UNC5A: variants seen among roughly 807,000 people sequenced by gnomAD.
UNC5A encodes the protein unc-5 netrin receptor A.
Under a neutral mutation model 87.4 loss-of-function variants are expected in UNC5A, and 20 were observed. The observed-to-expected ratio is 0.23, with a 90% CI of 0.16 to 0.33. The LOEUF (loss-of-function observed/expected upper bound fraction) is 0.33. UNC5A is among the 10% of genes least tolerant of loss of function. UNC5A has a pLI of 1.00. For synonymous variants in UNC5A, 438 were observed against 482.3 expected (o/e 0.91, Z 1.20); for missense variants, 844 against 1,133.4 (o/e 0.74, Z 3.67).
At position 176,880,847 on chromosome 5, in the gene UNC5A, T is replaced by G; in HGVS notation, c.*961T>G. The G allele has an allele frequency of 7.8e-5, 34 of 437,746 alleles. No homozygotes were observed. Among genetic ancestry groups the G allele is most frequent in the Middle Eastern group, 5.9e-4 (1 of 1,688 alleles). The allele number at this position is 437,746 out of a possible 1,614,324, so 27.1% of individuals were successfully genotyped here. ...AGCCTTGCCCGGCCGCCGGGGCACA[T>G]AGGGGTTTTATCGGGCGTGAATGTA... On this transcript the variant is annotated 3_prime_UTR_variant, in exon 15 of 15. Coordinates refer to ENST00000329542, the MANE Select transcript of UNC5A (RefSeq NM_133369.3).
chr5:176,833,063 T>C (rs989965360), intron 1 of UNC5A, among the ~76,000 whole-genome samples: 1 of 152,174 alleles, frequency 6.6e-6, no homozygotes, highest in Non-Finnish European at 1.5e-5. Context: ...AGGATGCAGG[T>C]AGCTGGCCAA....
At chr5:176,854,309 T>C (rs1757616579) in intron 1 of UNC5A, among the ~76,000 whole-genome samples, 1 of 152,114 alleles carries the variant, frequency 6.6e-6, no homozygotes, top group African/African-American at 2.4e-5. Flanking sequence ...TCTGTCTCTC[T>C]AACAGCAAGT....
At chr5:176,843,489 G>A (rs1014587291) in intron 1 of UNC5A, among the ~76,000 whole-genome samples, 1 of 152,214 alleles carries the variant, frequency 6.6e-6, no homozygotes, top group Non-Finnish European at 1.5e-5. Context: ...ACTTTAGGGG[G>A]TGAAGCTATT....
chr5:176,851,825 G>A (rs1001699056), intron 1 of UNC5A, among the ~76,000 whole-genome samples: 7 of 152,310 alleles, frequency 4.6e-5, no homozygotes, highest in East Asian at 1.9e-4. Flanking sequence ...GTCCTTACTC[G>A]GCCTTATGGT....
At chr5:176,870,603 G>T (rs10072724) in intron 6 of UNC5A, 69 bp downstream of exon 6, 1 of 1,480,398 alleles carries the variant, frequency 6.8e-7, no homozygotes, top group African/African-American at 1.4e-5. Context: ...CTGGGGAGGT[G>T]GGGGCTGAGG....
Position 176,845,952 on chromosome 5 carries a change from G to T in UNC5A, c.71-16672G>T, listed in dbSNP as rs530642405. Among the ~76,000 whole-genome samples, 1,255 of 152,354 alleles carry T rather than the reference G, an allele frequency of 8.2e-3. 12 individuals carry two copies. The highest frequency in any genetic ancestry group is 0.028 in the African/African-American group (1,172 of 41,586). On this transcript the variant is annotated intron_variant, in intron 1 of 14. Coordinates refer to ENST00000329542, the MANE Select transcript of UNC5A (RefSeq NM_133369.3). ...GAGAGCCAACAAAGGGCTGGGTGCT[G>T]CATGGTGAGTGAAAGGGACAGTGGC...
intron 1 of UNC5A, among the ~76,000 whole-genome samples, chr5:176,854,846 G>A (rs1258342729): frequency 1.3e-5 from 2 of 152,250 alleles, no homozygotes; most frequent in African/African-American, 4.8e-5. Flanking sequence ...CATAAATGGT[G>A]ACAATATGAT....
At position 176,869,007 on chromosome 5, in the gene UNC5A, T is replaced by A. The variant is rs1758044521; in HGVS notation, c.721+43T>A. Reference sequence around the variant, plus strand: ...CTGGTCACAGGGAGAGGCACTGCGGTGCCCCTGGGCAGTGACATGTGGCTG... The same window carrying A: ...CTGGTCACAGGGAGAGGCACTGCGGAGCCCCTGGGCAGTGACATGTGGCTG... On this transcript the variant is annotated intron_variant, in intron 5 of 14. Coordinates refer to ENST00000329542, the MANE Select transcript of UNC5A (RefSeq NM_133369.3). The surrounding 1 kb of genome is among the most constrained non-coding windows in gnomAD (Gnocchi z 9.1). The A allele has an allele frequency of 6.4e-7, 1 of 1,553,712 alleles. No individual in the cohort carries two copies. The highest frequency in any genetic ancestry group is 2.3e-5 in the East Asian group (1 of 44,154).
In UNC5A at chr5:176,877,721, C is replaced by G; in HGVS notation, c.1635+18C>G. 6.3e-7 allele frequency: 1 copy of G among 1,578,374 alleles called. No homozygotes were observed. ...GCTGGGAGGTGAGCAGGGAACTGACCCGGGCTCCAGAAGGGAACGTGGGCT... is the reference window on the plus strand; with the variant it reads ...GCTGGGAGGTGAGCAGGGAACTGACGCGGGCTCCAGAAGGGAACGTGGGCT... On this transcript the variant is annotated intron_variant, in intron 10 of 14. Coordinates refer to ENST00000329542, the MANE Select transcript of UNC5A (RefSeq NM_133369.3).
chr5:176,830,582 G>GCA (rs1561644030), intron 1 of UNC5A, among the ~76,000 whole-genome samples: 2 of 142,862 alleles, frequency 1.4e-5, no homozygotes, highest in South Asian at 2.3e-4. Context: ...GTGTGTGTGC[G>GCA]CGTGCTGGTG....
chr5:176,847,483 T>C (rs1032243632), intron 1 of UNC5A, among the ~76,000 whole-genome samples: 1 of 152,080 alleles, frequency 6.6e-6, no homozygotes, highest in African/African-American at 2.4e-5. Context: ...CTCATTAATA[T>C]ACTTAAAGTT....
chr5:176,829,559 AAGAT>A (rs1756949776), intron 1 of UNC5A, among the ~76,000 whole-genome samples: 1 of 134,172 alleles, frequency 7.5e-6, no homozygotes, highest in Non-Finnish European at 1.6e-5. Context: ...GGACGTATGA[AAGAT>A]GGATGGATGG....
In UNC5A at chr5:176,879,439, A is replaced by G; in HGVS notation, c.2314A>G (p.Arg772Gly). ...KIISSLDPPC[R>G]RGADWRTLAQ... ...AATTTCCAGCCTGGACCCACCCTGT[A>G]GGCGGGGTGCCGACTGGCGGACTCT... The change falls in exon 14 of 15, where the codon AGG becomes GGG. Residue 772 changes from arginine to glycine, a missense_variant. Arg to Gly is a moderately radical substitution (Grantham distance 125). Coordinates refer to ENST00000329542, the MANE Select transcript of UNC5A (RefSeq NM_133369.3). The G allele has an allele frequency of 6.2e-7, 1 of 1,612,272 alleles. No individual in the cohort carries two copies. The highest frequency in any genetic ancestry group is 1.1e-5 in the South Asian group (1 of 91,064).
chr5:176,862,765 C>G lies in UNC5A; in HGVS notation c.212C>G (p.Thr71Arg). ...CTTGTGTGCAAGGCCGTGCCCGCCA[C>G]GCAGATCTTCTTCAAGTGCAACGGG... ...VLLVCKAVPATQIFFKCNGEW... is the reference protein window; with the variant it reads ...VLLVCKAVPARQIFFKCNGEW... Residue 71 changes from threonine to arginine, a missense_variant, in exon 2 of 15, where the codon ACG (threonine) becomes AGG (arginine). Physicochemically the swap from Thr to Arg is moderately conservative, Grantham distance 71. This residue lies in a region of UNC5A where 314 missense variants were observed against 466.5 expected (regional missense o/e 0.67). Coordinates refer to ENST00000329542, the MANE Select transcript of UNC5A (RefSeq NM_133369.3). The G allele has an allele frequency of 6.2e-7, 1 of 1,613,608 alleles. No homozygotes were observed. Among genetic ancestry groups the G allele is most frequent in the Non-Finnish European group, 8.5e-7 (1 of 1,179,952 alleles).
Position 176,878,495 on chromosome 5 carries a change from C to T in UNC5A, c.2040C>T (p.Ile680=), listed in dbSNP as rs757435992. Residue 680 remains isoleucine (I), a synonymous_variant, in exon 13 of 15, where the codon ATC becomes ATT. Coordinates refer to ENST00000329542, the MANE Select transcript of UNC5A (RefSeq NM_133369.3). ...ATCAGGAGATCCCCTTTTATCACAT[C>T]TGGAATGGCACGCAGCGGTACTTGC... ...VSYQEIPFYH[I]WNGTQRYLHC... is the part of the protein sequence containing the mutation. 1.2e-6 allele frequency: 2 copies of T among 1,613,010 alleles called. No homozygotes were observed. Among genetic ancestry groups the T allele is most frequent in the Non-Finnish European group, 1.7e-6 (2 of 1,179,764 alleles).
chr5:176,853,364 G>A (rs938089876), intron 1 of UNC5A, among the ~76,000 whole-genome samples: 3 of 152,280 alleles, frequency 2.0e-5, no homozygotes, highest in South Asian at 2.1e-4. Flanking sequence ...AGGGACCAGC[G>A]GTGCCCCTGC....
At chr5:176,816,476 C>T (rs1756591137) in intron 1 of UNC5A, among the ~76,000 whole-genome samples, 1 of 152,238 alleles carries the variant, frequency 6.6e-6, no homozygotes, top group African/African-American at 2.4e-5. Flanking sequence ...CTTCAGACCC[C>T]AGGGGCCCAG....
Position 176,844,251 on chromosome 5 carries a change from C to T in UNC5A, c.71-18373C>T, listed in dbSNP as rs1757348233. Among the ~76,000 whole-genome samples, 1 of 152,114 alleles carries T rather than the reference C, an allele frequency of 6.6e-6. No individual in the cohort carries two copies. Among genetic ancestry groups the T allele is most frequent in the Non-Finnish European group, 1.5e-5 (1 of 68,016 alleles). On this transcript the variant is annotated intron_variant, in intron 1 of 14. Transcript: ENST00000329542. The surrounding 1 kb of genome is among the most constrained non-coding windows in gnomAD (Gnocchi z 4.2). Reference sequence around the variant, plus strand: ...ATCCTCAGGACAGAGCTGGAGAGAACACTTGGTCCTGGTATCCCGTGGGCC... The same window carrying T: ...ATCCTCAGGACAGAGCTGGAGAGAATACTTGGTCCTGGTATCCCGTGGGCC...
Position 176,865,284 on chromosome 5 carries a change from G to A in UNC5A, c.292+2439G>A, listed in dbSNP as rs1164653474. 6.6e-6 allele frequency among the ~76,000 whole-genome samples: 1 copy of A among 152,146 alleles called. No individual in the cohort carries two copies. The highest frequency in any genetic ancestry group is 6.5e-5 in the Admixed American group (1 of 15,270). ...CTGCTGCTCCCAGCACCCCCTTCCGGGCTCCCCCGCACACCCCTCTGTCTG... is the reference window on the plus strand; with the variant it reads ...CTGCTGCTCCCAGCACCCCCTTCCGAGCTCCCCCGCACACCCCTCTGTCTG... On this transcript the variant is annotated intron_variant, in intron 2 of 14. Transcript: ENST00000329542. The surrounding 1 kb of genome is among the most constrained non-coding windows in gnomAD (Gnocchi z 5.3).
Sources: gnomAD v4.1 joint callset for allele counts (sites outside exome capture counted in the v4.1 genomes callset) on GRCh38, gnomAD v4.1.1 for gene constraint, gnomAD v4.1.1 regional missense constraint, Gnocchi (gnomAD v3.1) non-coding constraint, MANE v1.5 for transcripts, NCBI Gene and HGNC (gene_info 2026-07-23, HGNC 2026-07-21) for gene names.